The following PXDNL variants were observed in gnomAD, a reference collection of about 807,000 sequenced individuals.
PXDNL encodes the protein probable oxidoreductase PXDNL.
PXDNL carries 145 observed loss-of-function variants against 150.8 expected under a neutral mutation model. The observed-to-expected ratio is 0.96, with a 90% confidence interval of 0.84 to 1.10. The LOEUF (loss-of-function observed/expected upper bound fraction) is 1.10, where lower values mean the gene tolerates loss of function less well. Ranked by LOEUF, PXDNL falls within the 50% of genes least tolerant of loss-of-function variation. The pLI, the probability that PXDNL is intolerant of heterozygous loss-of-function variation, is 0.00. For synonymous variants in PXDNL, 757 were observed against 725.7 expected, an observed-to-expected ratio of 1.04 and a Z score of -0.69; for missense variants, 2,087 against 1,873.9, an observed-to-expected ratio of 1.11 and a Z score of -2.10.
intron 1 of PXDNL, among the ~76,000 whole-genome samples, chr8:51,704,371 C>A (rs1303024281): frequency 6.6e-6 from 1 of 152,142 alleles, no homozygotes; most frequent in Non-Finnish European, 1.5e-5. Flanking sequence ...ATACCATAGT[C>A]TGTGCATTCA....
At position 51,472,253 on chromosome 8, in the gene PXDNL, T is replaced by C. The variant is rs770192019; in HGVS notation, c.746A>G (p.Asn249Ser). 6.2e-7 allele frequency: 1 copy of C among 1,613,746 alleles called. No homozygotes were observed. The highest frequency in any genetic ancestry group is 1.1e-5 in the South Asian group (1 of 91,076). ...EPQDVEVPSG[N>S]TVYFTCRAEG... ...CGCCCGGCAGGTGAAGTAGACGGTA[T>C]TTCCTGATGGTACCTCCACATCCTG... Residue 249 changes from asparagine to serine, a missense_variant, in exon 8 of 23, where the codon AAT (asparagine) becomes AGT (serine). Transcript: ENST00000356297.
chr8:51,767,507 T>C (rs1180733369), intron 1 of PXDNL, among the ~76,000 whole-genome samples: 2 of 152,180 alleles, frequency 1.3e-5, no homozygotes, highest in Non-Finnish European at 2.9e-5. Context: ...TTAAACACCT[T>C]GAACCAATCA....
At chr8:51,635,113 A>T (rs905773231) in intron 2 of PXDNL, among the ~76,000 whole-genome samples, 1 of 151,986 alleles carries the variant, frequency 6.6e-6, no homozygotes, top group African/African-American at 2.4e-5. Context: ...AGATGACAAC[A>T]CACTCTTTAA....
intron 1 of PXDNL, among the ~76,000 whole-genome samples, chr8:51,777,697 G>A (rs1373451749): frequency 6.6e-6 from 1 of 152,062 alleles, no homozygotes; most frequent in Non-Finnish European, 1.5e-5. Flanking sequence ...GAGGTCAGGA[G>A]TCTGAGACCA....
At chr8:51,391,210 G>C (rs527348989) in intron 17 of PXDNL, among the ~76,000 whole-genome samples, 1 of 152,094 alleles carries the variant, frequency 6.6e-6, no homozygotes, top group Non-Finnish European at 1.5e-5. Flanking sequence ...ATATGTGTGC[G>C]TGTGTCTTTA....
chr8:51,345,836 C>T lies in PXDNL; in HGVS notation c.4013G>A (p.Ser1338Asn). The change falls in exon 20 of 23, where the codon AGT (serine) becomes AAT (asparagine). Residue 1338 changes from serine (S) to asparagine (N), a missense_variant. Ser to Asn is a conservative substitution (Grantham distance 46). Coordinates refer to ENST00000356297, the MANE Select transcript of PXDNL (RefSeq NM_144651.5). Reference protein sequence around the residue: ...DKDMELSHLRSRQQDKIYVGE... With the variant: ...DKDMELSHLRNRQQDKIYVGE... ...AATGAGATATTTCTATACATACCTACTTCTTAGATGACTTAACTCCATATC... is the reference window on the plus strand; with the variant it reads ...AATGAGATATTTCTATACATACCTATTTCTTAGATGACTTAACTCCATATC... 1 of 1,586,392 alleles carries T rather than the reference C, an allele frequency of 6.3e-7. No individual in the cohort carries two copies. The highest frequency in any genetic ancestry group is 1.7e-5 in the Admixed American group (1 of 59,828).
At chr8:51,608,895 A>G (rs568531161) in intron 2 of PXDNL, among the ~76,000 whole-genome samples, 1 of 151,788 alleles carries the variant, frequency 6.6e-6, no homozygotes, top group Non-Finnish European at 1.5e-5. Context: ...AAGGAAAAGC[A>G]TATGTTTTCT....
intron 17 of PXDNL, among the ~76,000 whole-genome samples, chr8:51,405,239 G>C (rs1018511997): frequency 6.6e-6 from 1 of 152,330 alleles, no homozygotes; most frequent in African/African-American, 2.4e-5. Context: ...GTGCAACCGC[G>C]GGGTGAAGGG....
At chr8:51,626,104 C>G (rs1029349500) in intron 2 of PXDNL, among the ~76,000 whole-genome samples, 5 of 152,188 alleles carry the variant, frequency 3.3e-5, no homozygotes, top group Non-Finnish European at 5.9e-5. Flanking sequence ...TCACCACTAT[C>G]AAATGACCTG....
chr8:51,439,268 T>C (rs1809484184), intron 12 of PXDNL, among the ~76,000 whole-genome samples: 1 of 151,960 alleles, frequency 6.6e-6, no homozygotes, highest in African/African-American at 2.4e-5. Flanking sequence ...TCTAAGGACA[T>C]GAATAGACAA....
chr8:51,663,739 C>G (rs189636565), intron 1 of PXDNL, among the ~76,000 whole-genome samples: 59 of 152,230 alleles, frequency 3.9e-4, no homozygotes, highest in Admixed American at 2.1e-3. Context: ...AGGTAGCCCT[C>G]TCTTACAGGT....
At chr8:51,646,081 G>A (rs1447551141) in intron 2 of PXDNL, among the ~76,000 whole-genome samples, 70 of 151,342 alleles carry the variant, frequency 4.6e-4, no homozygotes, top group Non-Finnish European at 4.4e-5. Context: ...AAATGGGTAT[G>A]TTGATGCCCT....
chr8:51,533,695 C>T (rs1184391210), intron 4 of PXDNL, among the ~76,000 whole-genome samples: 1 of 150,992 alleles, frequency 6.6e-6, no homozygotes, highest in Admixed American at 6.6e-5. Flanking sequence ...CTGTGTTGGC[C>T]GGGCTGGTCT....
Position 51,422,545 on chromosome 8 carries a change from G to A in PXDNL, c.1795+1030C>T, listed in dbSNP as rs188014420. 5.1e-4 allele frequency among the ~76,000 whole-genome samples: 77 copies of A among 152,226 alleles called. 1 individual carries two copies. The highest frequency in any genetic ancestry group is 7.1e-4 in the Non-Finnish European group (48 of 68,004). ...CCTGTGTTATGAAATATTATTGTAC[G>A]TAATGAAACAGTTACCCAATCTCTT... On this transcript the variant is annotated intron_variant, in intron 14 of 22. Transcript: ENST00000356297.
chr8:51,365,356 C>T (rs1367087891), intron 19 of PXDNL, among the ~76,000 whole-genome samples: 1 of 152,198 alleles, frequency 6.6e-6, no homozygotes, highest in Non-Finnish European at 1.5e-5. Context: ...TCTTGTCACC[C>T]ATGGAGAAAT....
At chr8:51,348,449 G>A (rs2130709668) in intron 19 of PXDNL, among the ~76,000 whole-genome samples, 1 of 152,274 alleles carries the variant, frequency 6.6e-6, no homozygotes, top group Non-Finnish European at 1.5e-5. Context: ...CTAAAATGTT[G>A]TAGTTCTGAC....
intron 5 of PXDNL, among the ~76,000 whole-genome samples, chr8:51,495,153 A>C (rs1379746008): frequency 6.6e-6 from 1 of 151,974 alleles, no homozygotes; most frequent in Admixed American, 6.6e-5. Context: ...ACTACATGGA[A>C]ACTGAACAAC....
intron 1 of PXDNL, among the ~76,000 whole-genome samples, chr8:51,760,940 G>A (rs996968504): frequency 7.6e-6 from 1 of 130,904 alleles, no homozygotes; most frequent in African/African-American, 3.0e-5. Context: ...CTCACTGCAA[G>A]CTCCGCCTCC....
chr8:51,737,628 T>C (rs1443318335), intron 1 of PXDNL, among the ~76,000 whole-genome samples: 1 of 152,218 alleles, frequency 6.6e-6, no homozygotes. Context: ...AACCAACTCA[T>C]GGCCAAGACT....
Sources: allele counts gnomAD v4.1 joint callset (sites outside exome capture counted in the v4.1 genomes callset), GRCh38; gene constraint gnomAD v4.1.1; transcripts MANE v1.5; gene names NCBI Gene and HGNC (gene_info 2026-07-23, HGNC 2026-07-21).